The following SRPK2 variants were observed in gnomAD, a reference collection of about 807,000 sequenced individuals.
SRPK2 encodes the protein SFRS protein kinase 2.
Under a neutral mutation model 90.8 loss-of-function variants are expected in SRPK2, and 21 were observed. The observed-to-expected ratio is 0.23, with a 90% CI of 0.16 to 0.33. The LOEUF is 0.33. Ranked by LOEUF, SRPK2 falls within the 10% of genes least tolerant of loss-of-function variation. The pLI, the probability that SRPK2 is intolerant of heterozygous loss-of-function variation, is 1.00. For synonymous variants in SRPK2, 288 were observed against 311.1 expected (o/e 0.93, Z 0.78); for missense variants, 620 against 869.0 (o/e 0.71, Z 3.60).
intron 5 of SRPK2, 62 bp from the exon 6 acceptor site, chr7:105,167,526 A>G (rs1790227006): frequency 1.9e-6 from 2 of 1,081,028 alleles, no homozygotes; most frequent in Non-Finnish European, 1.4e-6. Flanking sequence ...TTTTCCCATT[A>G]TAACACCAAT....
intron 11 of SRPK2, among the ~76,000 whole-genome samples, chr7:105,134,517 G>C (rs1229207903): frequency 1.3e-5 from 2 of 152,244 alleles, no homozygotes; most frequent in Admixed American, 1.3e-4. Context: ...ACAGCAATGT[G>C]AGAACAGACT....
chr7:105,125,018 T>C (rs1800969697), intron 15 of SRPK2, among the ~76,000 whole-genome samples: 1 of 149,232 alleles, frequency 6.7e-6, no homozygotes, highest in Non-Finnish European at 1.5e-5. Flanking sequence ...TAATCCCAGC[T>C]ACATGGGAGG....
intron 2 of SRPK2, among the ~76,000 whole-genome samples, chr7:105,355,705 G>GCCCCT (rs1817704765): frequency 6.6e-6 from 1 of 151,970 alleles, no homozygotes; most frequent in South Asian, 2.1e-4. Flanking sequence ...ATAACTAAAC[G>GCCCCT]TCAAGCAGGC....
chr7:105,268,899 AGATTGCCT>A, intron 2 of SRPK2: 14 of 1,572,180 alleles, frequency 8.9e-6, no homozygotes, highest in Non-Finnish European at 1.1e-5. Flanking sequence ...TTCACAACCA[AGATTGCCT>A]GCCCTTGCTT....
At position 105,301,746 on chromosome 7, in the gene SRPK2, G is replaced by A; in HGVS notation, c.71+86902C>T. The A allele has an allele frequency of 7.5e-6, 12 of 1,601,482 alleles. No homozygotes were observed. In the South Asian group the frequency reaches 1.3e-4, roughly 18 times the overall value. On this transcript the variant is annotated intron_variant, in intron 2 of 15. Transcript: ENST00000393651. ...TTTTAACAACACCGTATCATCAGCT[G>A]TAAAGCAGAGTATATTAGCCAAGTT...
At chr7:105,268,700 G>A in intron 2 of SRPK2, 1 of 1,309,054 alleles carries the variant, frequency 7.6e-7, no homozygotes, top group Non-Finnish European at 1.1e-6. Context: ...CCAGCATGCA[G>A]GACAATACGT....
intron 8 of SRPK2, among the ~76,000 whole-genome samples, chr7:105,145,693 A>G (rs559601538): frequency 6.6e-6 from 1 of 152,358 alleles, no homozygotes; most frequent in African/African-American, 2.4e-5. Flanking sequence ...ATGTACATCG[A>G]TATTTGGAAT....
chr7:105,257,413 G>C (rs971861014), intron 2 of SRPK2, among the ~76,000 whole-genome samples: 2 of 152,232 alleles, frequency 1.3e-5, no homozygotes, highest in African/African-American at 4.8e-5. Flanking sequence ...ATCCCAAAGA[G>C]AAGAGGAAGT....
chr7:105,217,921 T>C (rs1182760349), intron 2 of SRPK2, among the ~76,000 whole-genome samples: 3 of 152,190 alleles, frequency 2.0e-5, no homozygotes, highest in Admixed American at 6.5e-5. Context: ...GGGGATACAA[T>C]AGCAAAAACA....
At chr7:105,349,842 G>C (rs1816944932) in intron 2 of SRPK2, among the ~76,000 whole-genome samples, 1 of 151,838 alleles carries the variant, frequency 6.6e-6, no homozygotes, top group Non-Finnish European at 1.5e-5. Flanking sequence ...AGGTTCAAGC[G>C]ATTCTCCTGC....
chr7:105,249,508 T>C (rs911764155), intron 2 of SRPK2, among the ~76,000 whole-genome samples: 1 of 151,594 alleles, frequency 6.6e-6, no homozygotes, highest in African/African-American at 2.4e-5. Context: ...AAAAAAAAAC[T>C]GGTCAAATTC....
intron 2 of SRPK2, among the ~76,000 whole-genome samples, chr7:105,387,183 G>C (rs10230128): frequency 0.19 from 29,344 of 152,090 alleles, 3,665 homozygotes; most frequent in East Asian, 0.64. Flanking sequence ...TTTTCCACTT[G>C]TTTTTATGTT....
At chr7:105,170,893 A>AG (rs1790876375) in intron 3 of SRPK2, among the ~76,000 whole-genome samples, 1 of 122,594 alleles carries the variant, frequency 8.2e-6, no homozygotes, top group Non-Finnish European at 1.8e-5. Flanking sequence ...GAAAGAAAGA[A>AG]AGAAAGAAAG....
rs2076388834 is a variant in SRPK2 at position 105,224,626 on chromosome 7, T to C, written c.72-20841A>G. ...CTCTGTCTAAAAATAATAATAATAA[T>C]AACTTTAAGATATTTTAATTATCCA... On this transcript the variant is annotated intron_variant, in intron 2 of 15. Transcript: ENST00000393651. 2.6e-5 allele frequency among the ~76,000 whole-genome samples: 4 copies of C among 152,158 alleles called. No homozygotes were observed. In the South Asian group the frequency reaches 8.3e-4, roughly 32 times the overall value.
At chr7:105,323,314 C>CA (rs1179824306) in intron 2 of SRPK2, among the ~76,000 whole-genome samples, 1 of 152,088 alleles carries the variant, frequency 6.6e-6, no homozygotes, top group African/African-American at 2.4e-5. Flanking sequence ...TAACAAAATT[C>CA]AAAAACAAAT....
intron 2 of SRPK2, among the ~76,000 whole-genome samples, chr7:105,278,952 T>A (rs1806897535): frequency 6.6e-6 from 1 of 152,240 alleles, no homozygotes; most frequent in Admixed American, 6.5e-5. Context: ...TAATCTTTGT[T>A]CATTCTAAAA....
chr7:105,263,089 G>C (rs1804538215), intron 2 of SRPK2, among the ~76,000 whole-genome samples: 2 of 152,176 alleles, frequency 1.3e-5, no homozygotes, highest in South Asian at 4.1e-4. Context: ...CACTTTGGGA[G>C]GCTGAGGTGG....
chr7:105,347,987 C>T (rs1027973034), intron 2 of SRPK2, among the ~76,000 whole-genome samples: 1 of 149,310 alleles, frequency 6.7e-6, no homozygotes, highest in South Asian at 2.1e-4. Flanking sequence ...TCCTTGAAAA[C>T]AGAAATCAAA....
chr7:105,294,754 G>A (rs1212326789), intron 2 of SRPK2, among the ~76,000 whole-genome samples: 8 of 152,040 alleles, frequency 5.3e-5, no homozygotes, highest in African/African-American at 1.7e-4. Context: ...ACGAACTCCT[G>A]ACCTCAACTG....
Sources: gnomAD v4.1 joint callset for allele counts (sites outside exome capture counted in the v4.1 genomes callset) on GRCh38, gnomAD v4.1.1 for gene constraint, MANE v1.5 for transcripts, NCBI Gene and HGNC (gene_info 2026-07-23, HGNC 2026-07-21) for gene names.